The following GNA14 variants were observed in gnomAD, a reference collection of about 807,000 sequenced individuals.
GNA14 encodes guanine nucleotide-binding protein subunit alpha-14.
In GNA14, 50 loss-of-function variants were observed where a neutral mutation model predicts 42.0. The ratio of observed to expected loss-of-function variants is 1.19; its 90% CI spans 0.95 to 1.51. The LOEUF (loss-of-function observed/expected upper bound fraction) is 1.51. Among genes scored for constraint, GNA14 ranks in the 40% most tolerant of loss-of-function variants. GNA14 has a pLI of 0.00. For missense variants in GNA14, 473 were observed against 446.2 expected (o/e 1.06, Z -0.54); for synonymous variants, 173 against 163.1 (o/e 1.06, Z -0.46).
chr9:77,526,250 T>C (rs1837436248), intron 2 of GNA14, among the ~76,000 whole-genome samples: 1 of 151,934 alleles, frequency 6.6e-6, no homozygotes. Flanking sequence ...GGATTAGAAT[T>C]GGGTCTTAGA....
chr9:77,456,684 A>T (rs1007942077), intron 2 of GNA14, among the ~76,000 whole-genome samples: 7 of 152,178 alleles, frequency 4.6e-5, no homozygotes, highest in Non-Finnish European at 7.3e-5. Flanking sequence ...AGTATGAAAA[A>T]CTAGAGTTGA....
chr9:77,553,342 C>T (rs1240760096), intron 1 of GNA14, among the ~76,000 whole-genome samples: 1 of 152,106 alleles, frequency 6.6e-6, no homozygotes, highest in Admixed American at 6.5e-5. Flanking sequence ...TCATAAATGG[C>T]ATCTCAGAGT....
chr9:77,549,249 T>C lies in GNA14; in HGVS notation c.125-19996A>G, dbSNP rs1458526495. The stretch of plus-strand genomic sequence containing the variant: ...GTGCCCAGCCAAGAAAGTCTTTCGA[T>C]AGGACATGTAGTCTCTAGTTCAACA... On this transcript the variant is annotated intron_variant, in intron 1 of 6. Transcript: ENST00000341700. 2.0e-5 allele frequency among the ~76,000 whole-genome samples: 3 copies of C among 152,174 alleles called. No individual in the cohort carries two copies. The East Asian group carries it at 5.8e-4, about 29-fold the overall frequency.
chr9:77,623,216 C>CAAAAAAAAAAAAAAAAA (rs34368561), intron 1 of GNA14, among the ~76,000 whole-genome samples: 5 of 26,850 alleles, frequency 1.9e-4, no homozygotes, highest in Non-Finnish European at 2.6e-4. Flanking sequence ...GACGCTGTCT[C>CAAAAAAAAAAAAAAAAA]AAAAAAAAAA....
intron 1 of GNA14, among the ~76,000 whole-genome samples, chr9:77,554,031 G>A (rs1822725818): frequency 6.6e-6 from 1 of 152,084 alleles, no homozygotes; most frequent in Admixed American, 6.5e-5. Context: ...AACCTACTAG[G>A]CCAGGAGGGA....
intron 1 of GNA14, among the ~76,000 whole-genome samples, chr9:77,631,329 A>G (rs1824096830): frequency 6.6e-6 from 1 of 152,190 alleles, no homozygotes; most frequent in Non-Finnish European, 1.5e-5. Flanking sequence ...TCACATGGCC[A>G]CAATTAGCAG....
intron 2 of GNA14, among the ~76,000 whole-genome samples, chr9:77,467,628 C>A (rs1346524241): frequency 6.9e-6 from 1 of 145,788 alleles, no homozygotes; most frequent in Non-Finnish European, 1.5e-5. Context: ...AGTTACTCCT[C>A]TGGCAGAACT....
intron 2 of GNA14, among the ~76,000 whole-genome samples, chr9:77,476,490 G>A (rs1836425622): frequency 6.6e-6 from 1 of 152,198 alleles, no homozygotes; most frequent in African/African-American, 2.4e-5. Context: ...ACACAGGAGT[G>A]TAGAGGGTCC....
At chr9:77,552,109 G>A (rs542511810) in intron 1 of GNA14, among the ~76,000 whole-genome samples, 129 of 127,792 alleles carry the variant, frequency 1.0e-3, no homozygotes, top group Non-Finnish European at 1.8e-3. Context: ...CTTTGCAGCA[G>A]GAGAGAAACT....
At chr9:77,460,130 G>C (rs1446090166) in intron 2 of GNA14, among the ~76,000 whole-genome samples, 1 of 152,122 alleles carries the variant, frequency 6.6e-6, no homozygotes, top group South Asian at 2.1e-4. Context: ...CTGGAACCTC[G>C]GAATTTAACC....
At chr9:77,461,409 A>C (rs1836104020) in intron 2 of GNA14, among the ~76,000 whole-genome samples, 1 of 152,226 alleles carries the variant, frequency 6.6e-6, no homozygotes, top group African/African-American at 2.4e-5. Flanking sequence ...GATTCTTAAA[A>C]CATCCCTCTA....
At chr9:77,499,073 C>T (rs910868381) in intron 2 of GNA14, among the ~76,000 whole-genome samples, 2 of 152,150 alleles carry the variant, frequency 1.3e-5, no homozygotes, top group African/African-American at 4.8e-5. Flanking sequence ...GGGAAAAATG[C>T]TACTATGTGG....
Position 77,645,760 on chromosome 9 carries a change from C to T in GNA14, c.124+1910G>A, listed in dbSNP as rs144866279. Among the ~76,000 whole-genome samples the T allele has an allele frequency of 7.4e-4, 113 of 152,344 alleles. 1 individual carries two copies. The highest frequency in any genetic ancestry group is 3.4e-3 in the Middle Eastern group (1 of 294). On this transcript the variant is annotated intron_variant, in intron 1 of 6. Coordinates refer to ENST00000341700, the MANE Select transcript of GNA14 (RefSeq NM_004297.4). ...CAATACAGTACAGCTCAGCTGACTA[C>T]ACAATTTTTCATACAAAGAGCCAGC...
chr9:77,523,892 A>C (rs1427965014), intron 2 of GNA14, among the ~76,000 whole-genome samples: 1 of 152,146 alleles, frequency 6.6e-6, no homozygotes, highest in African/African-American at 2.4e-5. Flanking sequence ...TAAGGGGTTC[A>C]TATTTTTTTC....
chr9:77,462,077 C>G (rs1836117291), intron 2 of GNA14, among the ~76,000 whole-genome samples: 1 of 152,208 alleles, frequency 6.6e-6, no homozygotes, highest in South Asian at 2.1e-4. Flanking sequence ...CCTGCATAGA[C>G]AAGATCTTCT....
At chr9:77,563,919 C>G (rs1822924286) in intron 1 of GNA14, among the ~76,000 whole-genome samples, 1 of 152,196 alleles carries the variant, frequency 6.6e-6, no homozygotes, top group South Asian at 2.1e-4. Context: ...TTTACAAGCT[C>G]TCTTGACTAA....
At chr9:77,427,379 G>A (rs1034449320) in intron 5 of GNA14, among the ~76,000 whole-genome samples, 13 of 150,650 alleles carry the variant, frequency 8.6e-5, no homozygotes, top group Non-Finnish European at 4.4e-5. Context: ...CAGCATTTCC[G>A]TTCTTTGCAC....
At chr9:77,573,731 C>T (rs946996437) in intron 1 of GNA14, among the ~76,000 whole-genome samples, 5 of 152,036 alleles carry the variant, frequency 3.3e-5, no homozygotes, top group African/African-American at 4.8e-5. Flanking sequence ...AGTGGCCAAA[C>T]GCAATTAGAC....
chr9:77,568,735 G>C (rs866606456), intron 1 of GNA14, among the ~76,000 whole-genome samples: 1 of 152,066 alleles, frequency 6.6e-6, no homozygotes, highest in East Asian at 1.9e-4. Context: ...GAAGTCTCTC[G>C]GAATTTACAG....
Sources: gnomAD v4.1 joint callset for allele counts (sites outside exome capture counted in the v4.1 genomes callset) on GRCh38, gnomAD v4.1.1 for gene constraint, MANE v1.5 for transcripts, NCBI Gene and HGNC (gene_info 2026-07-23, HGNC 2026-07-21) for gene names.